ATP8B4: variants seen among roughly 807,000 people sequenced by gnomAD.
ATP8B4 encodes the protein probable phospholipid-transporting ATPase IM.
Under a neutral mutation model 145.6 loss-of-function variants are expected in ATP8B4, and 133 were observed. That is an observed-to-expected ratio of 0.91 (90% CI 0.79 to 1.05). The LOEUF (loss-of-function observed/expected upper bound fraction) is 1.05, where lower values mean the gene tolerates loss of function less well. Ranked by LOEUF, ATP8B4 falls within the 50% of genes least tolerant of loss-of-function variation. The pLI is 0.00. For synonymous variants in ATP8B4, 507 were observed against 492.9 expected (o/e 1.03, Z -0.38); for missense variants, 1,458 against 1,425.2 (o/e 1.02, Z -0.37).
At chr15:50,013,184 T>C (rs1567197759) in intron 6 of ATP8B4, among the ~76,000 whole-genome samples, 1 of 152,168 alleles carries the variant, frequency 6.6e-6, no homozygotes, top group Non-Finnish European at 1.5e-5. Flanking sequence ...CTTCTAAAAT[T>C]TTAGCTTGTA....
intron 16 of ATP8B4, among the ~76,000 whole-genome samples, chr15:49,928,407 C>A (rs954511442): frequency 6.6e-6 from 1 of 151,964 alleles, no homozygotes; most frequent in African/African-American, 2.4e-5. Context: ...ATAACAGCAA[C>A]AATGCATCCA....
chr15:50,025,912 T>C (rs2049973913), intron 6 of ATP8B4, among the ~76,000 whole-genome samples: 2 of 152,232 alleles, frequency 1.3e-5, no homozygotes, highest in Non-Finnish European at 2.9e-5. Context: ...AATAGAGTGC[T>C]ATTATCAAGA....
At chr15:49,944,208 C>T (rs1400259884) in intron 14 of ATP8B4, among the ~76,000 whole-genome samples, 1 of 152,018 alleles carries the variant, frequency 6.6e-6, no homozygotes, top group Non-Finnish European at 1.5e-5. Context: ...AATAGTAAAT[C>T]CTTTCCTGTA....
chr15:50,174,270 C>G (rs1458068880), intron 1 of ATP8B4, among the ~76,000 whole-genome samples: 1 of 152,170 alleles, frequency 6.6e-6, no homozygotes, highest in Non-Finnish European at 1.5e-5. Context: ...TCCTCTTCAG[C>G]ATAGTACTGG....
At chr15:49,968,600 A>G (rs1291319256) in intron 13 of ATP8B4, among the ~76,000 whole-genome samples, 1 of 152,178 alleles carries the variant, frequency 6.6e-6, no homozygotes, top group Non-Finnish European at 1.5e-5. Context: ...TGCATCCAAT[A>G]CAGGAGCACC....
chr15:50,082,864 C>A (rs2054643360), intron 2 of ATP8B4, among the ~76,000 whole-genome samples: 1 of 152,178 alleles, frequency 6.6e-6, no homozygotes, highest in African/African-American at 2.4e-5. Flanking sequence ...CTGTTATCAG[C>A]CCTACTTTAC....
intron 5 of ATP8B4, among the ~76,000 whole-genome samples, chr15:50,043,491 T>C (rs1033261269): frequency 6.6e-6 from 1 of 152,162 alleles, no homozygotes. Context: ...CCTGAGACAG[T>C]AAAACCAATC....
At chr15:50,092,910 C>T (rs981425693) in intron 2 of ATP8B4, among the ~76,000 whole-genome samples, 1 of 151,846 alleles carries the variant, frequency 6.6e-6, no homozygotes, top group Non-Finnish European at 1.5e-5. Context: ...TATATCTAGA[C>T]ACATAATAGT....
chr15:50,103,752 C>A (rs546064455), intron 2 of ATP8B4, among the ~76,000 whole-genome samples: 2 of 152,006 alleles, frequency 1.3e-5, no homozygotes, highest in East Asian at 1.9e-4. Context: ...CATGTGGAAC[C>A]AAAAAGAGCC....
At chr15:50,077,363 G>A (rs1469940325) in intron 2 of ATP8B4, among the ~76,000 whole-genome samples, 1 of 152,166 alleles carries the variant, frequency 6.6e-6, no homozygotes. Context: ...ACATAACAGT[G>A]CTGGAAAACA....
At chr15:50,034,772 G>T (rs543348973) in intron 6 of ATP8B4, among the ~76,000 whole-genome samples, 57 of 152,218 alleles carry the variant, frequency 3.7e-4, no homozygotes, top group African/African-American at 1.4e-3. Context: ...GAGGAGCGTG[G>T]GATTAGGTGA....
At chr15:49,990,097 G>A (rs1008744212) in intron 9 of ATP8B4, among the ~76,000 whole-genome samples, 5 of 152,136 alleles carry the variant, frequency 3.3e-5, no homozygotes, top group Admixed American at 6.6e-5. Context: ...CACAACAGCC[G>A]GGGCTTAGTT....
intron 13 of ATP8B4, among the ~76,000 whole-genome samples, chr15:49,965,441 A>C (rs920919017): frequency 4.6e-5 from 7 of 152,208 alleles, no homozygotes; most frequent in African/African-American, 1.7e-4. Context: ...GGACATTGGG[A>C]GACCAGAGGA....
At chr15:50,017,832 C>T (rs1241474194) in intron 6 of ATP8B4, among the ~76,000 whole-genome samples, 1 of 152,184 alleles carries the variant, frequency 6.6e-6, no homozygotes, top group Non-Finnish European at 1.5e-5. Context: ...AAAGGTATCA[C>T]TGGAATATCA....
At chr15:49,861,009 T>G (rs982440812) in intron 27 of ATP8B4, among the ~76,000 whole-genome samples, 2 of 151,938 alleles carry the variant, frequency 1.3e-5, no homozygotes, top group Admixed American at 6.6e-5. Flanking sequence ...CCCTATTATG[T>G]GAGTAGGTTT....
chr15:50,083,055 A>T (rs1168735038), intron 2 of ATP8B4, among the ~76,000 whole-genome samples: 1 of 152,156 alleles, frequency 6.6e-6, no homozygotes. Flanking sequence ...GGTCAAAGAG[A>T]GGGGGAAGAG....
intron 3 of ATP8B4, among the ~76,000 whole-genome samples, chr15:50,057,483 C>G: frequency 6.6e-6 from 1 of 152,298 alleles, no homozygotes; most frequent in East Asian, 1.9e-4. Context: ...GGCCCTCATC[C>G]GACATCCTTC....
In ATP8B4 at chr15:49,930,755, A is replaced by T. The variant is rs527960005; in HGVS notation, c.1642+364T>A. On this transcript the variant is annotated intron_variant, in intron 16 of 27. Transcript: ENST00000284509. ...AACCTTTCTGTGTCTTAGTTTCATT[A>T]TCTGTTAATGGGTATAAATATAATA... 3.9e-5 allele frequency among the ~76,000 whole-genome samples: 6 copies of T among 152,220 alleles called. No homozygotes were observed. In the South Asian group the frequency reaches 6.2e-4, roughly 16 times the overall value.
intron 1 of ATP8B4, among the ~76,000 whole-genome samples, chr15:50,175,152 G>T (rs1482425473): frequency 1.3e-5 from 2 of 152,056 alleles, no homozygotes; most frequent in Admixed American, 6.6e-5. Context: ...AACTCTAGAT[G>T]GATTAAGGAC....
Sources: allele counts gnomAD v4.1 joint callset (sites outside exome capture counted in the v4.1 genomes callset), GRCh38; gene constraint gnomAD v4.1.1; transcripts MANE v1.5; gene names NCBI Gene and HGNC (gene_info 2026-07-23, HGNC 2026-07-21).